The following CLEC11A variants were observed in gnomAD, a reference collection of about 807,000 sequenced individuals.
CLEC11A encodes the protein C-type lectin domain family 11 member A.
CLEC11A carries 35 observed loss-of-function variants against 33.9 expected under a neutral mutation model. The ratio of observed to expected loss-of-function variants is 1.03; its 90% CI spans 0.79 to 1.37. The LOEUF (loss-of-function observed/expected upper bound fraction) is 1.37, where lower values mean the gene tolerates loss of function less well. Among genes scored for constraint, CLEC11A ranks in the 40% most tolerant of loss-of-function variants. CLEC11A has a pLI of 0.00. For missense variants in CLEC11A, 519 were observed against 455.5 expected, an observed-to-expected ratio of 1.14 and a Z score of -1.27; for synonymous variants, 220 against 202.2, an observed-to-expected ratio of 1.09 and a Z score of -0.75.
Position 50,724,547 on chromosome 19 carries a change from C to G in CLEC11A, c.472C>G (p.Gln158Glu). The G allele has an allele frequency of 6.6e-7, 1 of 1,518,886 alleles. No homozygotes were observed. Among genetic ancestry groups the G allele is most frequent in the South Asian group, 1.2e-5 (1 of 82,472 alleles). The allele number at this position is 1,518,886 out of a possible 1,614,324, so 94.1% of individuals were successfully genotyped here. Residue 158 changes from glutamine (Q) to glutamate (E), a missense_variant, in exon 3 of 4, where the codon CAA becomes GAA. Gln to Glu is a conservative substitution (Grantham distance 29). Coordinates refer to ENST00000250340, the MANE Select transcript of CLEC11A (RefSeq NM_002975.3). This position sits in a 1 kb window ranked among gnomAD's most constrained non-coding sequence, Gnocchi z 4.1. ...NAAGDTRDAV[Q>E]ALQEAQGRAE... ...GGCAGGCGACACCCGCGATGCCGTG[C>G]AAGCCCTGCAGGAGGCGCAGGGTCG...
rs1248456268 is a variant in CLEC11A at position 50,724,432 on chromosome 19, C to G, written c.357C>G (p.Asp119Glu). 148 of 1,531,330 alleles carry G rather than the reference C, an allele frequency of 9.7e-5. No individual in the cohort carries two copies. The highest frequency in any genetic ancestry group is 1.3e-4 in the Non-Finnish European group (147 of 1,145,944). The allele number at this position is 1,531,330 out of a possible 1,614,324, so 94.9% of individuals were successfully genotyped here. The change falls in exon 3 of 4, where the codon GAC becomes GAG. Residue 119 changes from aspartate (D) to glutamate (E), a missense_variant. Physicochemically the swap from Asp to Glu is conservative, Grantham distance 45. Transcript: ENST00000250340. This position sits in a 1 kb window ranked among gnomAD's most constrained non-coding sequence, Gnocchi z 4.1. ...TYILGRLAGL[D>E]AGLHQLHVRL... Reference sequence around the variant, plus strand: ...CAGTGGGCCGCCTGGCCGGCCTGGACGCAGGCCTGCACCAGCTGCACGTCC... The same window carrying G: ...CAGTGGGCCGCCTGGCCGGCCTGGAGGCAGGCCTGCACCAGCTGCACGTCC...
rs1375356795 is a variant in CLEC11A, at chr19:50,724,017, A to T, written c.260A>T (p.Glu87Val). The T allele has an allele frequency of 1.2e-6, 2 of 1,611,912 alleles. No individual in the cohort carries two copies. The highest frequency in any genetic ancestry group is 1.7e-6 in the Non-Finnish European group (2 of 1,178,254). ...GAGGAGGACCAGGGGGAGGAAGAGGAGGAGGAAGCAACGCCAACCCCATCC... is the reference window on the plus strand; with the variant it reads ...GAGGAGGACCAGGGGGAGGAAGAGGTGGAGGAAGCAACGCCAACCCCATCC... ...EMEEDQGEEE[E>V]EEATPTPSSG... The change falls in exon 2 of 4, where the codon GAG (glutamate) becomes GTG (valine). Residue 87 changes from glutamate to valine, a missense_variant. Glu to Val is a moderately radical substitution (Grantham distance 121). Coordinates refer to ENST00000250340, the MANE Select transcript of CLEC11A (RefSeq NM_002975.3). The surrounding 1 kb of genome is among the most constrained non-coding windows in gnomAD (Gnocchi z 4.1).
chr19:50,724,933 T>G lies in CLEC11A; in HGVS notation c.527-89T>G. The G allele has an allele frequency of 6.7e-6, 8 of 1,202,598 alleles. No individual in the cohort carries two copies. Among genetic ancestry groups the G allele is most frequent in the East Asian group, 3.3e-5 (1 of 29,858 alleles). The allele number at this position is 1,202,598 out of a possible 1,614,324, so 74.5% of individuals were successfully genotyped here. On this transcript the variant is annotated intron_variant, in intron 3 of 3. Coordinates refer to ENST00000250340, the MANE Select transcript of CLEC11A (RefSeq NM_002975.3). The surrounding 1 kb of genome is among the most constrained non-coding windows in gnomAD (Gnocchi z 4.1). ...CTCCCCATGAGTTCCTGGCCCCGCC[T>G]CCCTCCACCCCCGGATGTTTTGTCC...
chr19:50,725,230 G>T lies in CLEC11A; in HGVS notation c.735G>T (p.Arg245=). The T allele has an allele frequency of 6.2e-7, 1 of 1,600,824 alleles. No homozygotes were observed. The highest frequency in any genetic ancestry group is 8.5e-7 in the Non-Finnish European group (1 of 1,174,720). The change falls in exon 4 of 4, where the codon CGG becomes CGT. Residue 245 remains arginine (R), a synonymous_variant. Coordinates refer to ENST00000250340, the MANE Select transcript of CLEC11A (RefSeq NM_002975.3). The part of the protein sequence containing the change: ...NWPVWLGVHD[R]RAEGLYLFEN... ...CCGTGTGGCTGGGCGTGCACGATCG[G>T]CGCGCCGAGGGCCTCTACCTCTTCG...
In CLEC11A at chr19:50,724,066, C is replaced by G; in HGVS notation, c.309C>G (p.Thr103=). The change falls in exon 2 of 4, where the codon ACC becomes ACG. Residue 103 remains threonine (T), a synonymous_variant. Transcript: ENST00000250340. This position sits in a 1 kb window ranked among gnomAD's most constrained non-coding sequence, Gnocchi z 4.1. ...TPSSGPSPSP[T]PEDIVTYILG... is the part of the protein sequence containing the mutation. ...CCTCCGGCCCCAGCCCCTCTCCCACCCCTGAGGACATCGTCACTTACATCC... is the reference window on the plus strand; with the variant it reads ...CCTCCGGCCCCAGCCCCTCTCCCACGCCTGAGGACATCGTCACTTACATCC... 1 of 1,613,596 alleles carries G rather than the reference C, an allele frequency of 6.2e-7. No individual in the cohort carries two copies. Among genetic ancestry groups the G allele is most frequent in the Admixed American group, 1.7e-5 (1 of 59,956 alleles).
Position 50,725,188 on chromosome 19 carries a change from C to T in CLEC11A, c.693C>T (p.Leu231=), listed in dbSNP as rs766385763. Residue 231 remains leucine (L), a synonymous_variant, in exon 4 of 4, where the codon CTC becomes CTT. Transcript: ENST00000250340. ...EALTRYLRAA[L]APYNWPVWLG... ...TCACTCGGTACCTGCGCGCGGCGCT[C>T]GCTCCCTACAACTGGCCCGTGTGGC... 2 of 1,585,304 alleles carry T rather than the reference C, an allele frequency of 1.3e-6. No homozygotes were observed. The highest frequency in any genetic ancestry group is 1.7e-6 in the Non-Finnish European group (2 of 1,167,084).
In CLEC11A at chr19:50,724,355, GC is replaced by G; in HGVS notation, c.335-49del. 3 of 1,420,318 alleles carry G rather than the reference GC, an allele frequency of 2.1e-6. No individual in the cohort carries two copies. The highest frequency in any genetic ancestry group is 2.8e-6 in the Non-Finnish European group (3 of 1,084,048). 88.0% of individuals were successfully genotyped at this position (1,420,318 alleles called of 1,614,324 possible). A position where few individuals can be genotyped will look rare whatever the true frequency, so the allele number is the denominator to read the frequency against. Reference sequence around the variant, plus strand: ...AGATCCCAGTTCTCCAGGTCCTCAGGCCCCCCGCTGCATCTCCAGGCTCCCC... The same window carrying G: ...AGATCCCAGTTCTCCAGGTCCTCAGGCCCCCGCTGCATCTCCAGGCTCCCC... On this transcript the variant is annotated intron_variant, in intron 2 of 3. Transcript: ENST00000250340. The surrounding 1 kb of genome is among the most constrained non-coding windows in gnomAD (Gnocchi z 4.1).
Position 50,724,643 on chromosome 19 carries a change from TG to T in CLEC11A, c.526+45del. 2.9e-6 allele frequency: 4 copies of T among 1,378,594 alleles called. No individual in the cohort carries two copies. The highest frequency in any genetic ancestry group is 3.7e-6 in the Non-Finnish European group (4 of 1,069,160). The allele number at this position is 1,378,594 out of a possible 1,614,324, so 85.4% of individuals were successfully genotyped here. On this transcript the variant is annotated intron_variant, in intron 3 of 3. Transcript: ENST00000250340. The surrounding 1 kb of genome is among the most constrained non-coding windows in gnomAD (Gnocchi z 4.1). ...CGGGGTGGAAAAAAATGAGACTATCTGGGCCAGGAATGGGACTGGTTGAGAA... is the reference window on the plus strand; with the variant it reads ...CGGGGTGGAAAAAAATGAGACTATCTGGCCAGGAATGGGACTGGTTGAGAA...
At position 50,723,493 on chromosome 19, in the gene CLEC11A, A is replaced by G; in HGVS notation, c.-33A>G. Reference sequence around the variant, plus strand: ...CCCCTCCCACCCCAGACATCCAGACATCTGGAACTTTGGGTGCCAAGAGTC... The same window carrying G: ...CCCCTCCCACCCCAGACATCCAGACGTCTGGAACTTTGGGTGCCAAGAGTC... On this transcript the variant is annotated 5_prime_UTR_variant, in exon 1 of 4. Transcript: ENST00000250340. This position sits in a 1 kb window ranked among gnomAD's most constrained non-coding sequence, Gnocchi z 4.1. The G allele has an allele frequency of 6.2e-7, 1 of 1,610,616 alleles. No individual in the cohort carries two copies. The highest frequency in any genetic ancestry group is 1.3e-5 in the African/African-American group (1 of 74,898).
Position 50,723,745 on chromosome 19 carries a change from A to C in CLEC11A, c.147+73A>C. On this transcript the variant is annotated intron_variant, in intron 1 of 3. Coordinates refer to ENST00000250340, the MANE Select transcript of CLEC11A (RefSeq NM_002975.3). This position sits in a 1 kb window ranked among gnomAD's most constrained non-coding sequence, Gnocchi z 4.1. Reference sequence around the variant, plus strand: ...GGGAGGGGGTATTGCAAGGTTAGGGAAATGGACAATGAGGAGCGATTGGGA... The same window carrying C: ...GGGAGGGGGTATTGCAAGGTTAGGGCAATGGACAATGAGGAGCGATTGGGA... 1 of 1,531,488 alleles carries C rather than the reference A, an allele frequency of 6.5e-7. No homozygotes were observed. The highest frequency in any genetic ancestry group is 8.8e-7 in the Non-Finnish European group (1 of 1,141,966). The allele number at this position is 1,531,488 out of a possible 1,614,324, so 94.9% of individuals were successfully genotyped here.
rs761771291 is a variant in CLEC11A, at chr19:50,725,124, G to A, written c.629G>A (p.Ser210Asn). Residue 210 changes from serine (S) to asparagine (N), a missense_variant, in exon 4 of 4, where the codon AGC becomes AAC. Physicochemically the swap from Ser to Asn is conservative, Grantham distance 46. Coordinates refer to ENST00000250340, the MANE Select transcript of CLEC11A (RefSeq NM_002975.3). ...GCGCGGTGCACGGCGCGGGGCGGGA[G>A]CCTGGCGCAGCCGGCAGACCGCCAG... The part of the protein sequence containing the change: ...AQARCTARGG[S>N]LAQPADRQQM... The A allele has an allele frequency of 1.7e-5, 27 of 1,543,398 alleles. No individual in the cohort carries two copies. Among genetic ancestry groups the A allele is most frequent in the Admixed American group, 1.4e-4 (7 of 50,734 alleles).
chr19:50,725,370 C>G lies in CLEC11A; in HGVS notation c.875C>G (p.Thr292Arg). The G allele has an allele frequency of 6.2e-7, 1 of 1,612,116 alleles. No homozygotes were observed. Among genetic ancestry groups the G allele is most frequent in the Non-Finnish European group, 8.5e-7 (1 of 1,179,490 alleles). ...PLSPDQPNGG[T>R]LENCVAQASD... ...AGCCCGGACCAGCCCAACGGTGGCA[C>G]GCTCGAGAACTGCGTGGCGCAGGCC... Residue 292 changes from threonine to arginine, a missense_variant, in exon 4 of 4, where the codon ACG becomes AGG. Physicochemically the swap from Thr to Arg is moderately conservative, Grantham distance 71. Transcript: ENST00000250340.
At position 50,725,334 on chromosome 19, in the gene CLEC11A, C is replaced by T; in HGVS notation, c.839C>T (p.Pro280Leu). 6.2e-7 allele frequency: 1 copy of T among 1,612,120 alleles called. No homozygotes were observed. The highest frequency in any genetic ancestry group is 1.3e-5 in the African/African-American group (1 of 75,048). ...PELGAQPSAS[P>L]HPLSPDQPNG... ...CTCGGCGCCCAGCCCAGCGCCTCGC[C>T]GCATCCGCTCAGCCCGGACCAGCCC... Residue 280 changes from proline to leucine, a missense_variant, in exon 4 of 4, where the codon CCG becomes CTG. By Grantham distance (98) the Pro-to-Leu change is moderately conservative (BLOSUM62 -3). Transcript: ENST00000250340.
chr19:50,725,320 G>T lies in CLEC11A; in HGVS notation c.825G>T (p.Gln275His). The part of the protein sequence containing the change: ...HRSPRPELGA[Q>H]PSASPHPLSP... ...CACCCCGCCCCGAGCTCGGCGCCCA[G>T]CCCAGCGCCTCGCCGCATCCGCTCA... Residue 275 changes from glutamine to histidine, a missense_variant, in exon 4 of 4, where the codon CAG becomes CAT. By Grantham distance (24) the Gln-to-His change is conservative. Coordinates refer to ENST00000250340, the MANE Select transcript of CLEC11A (RefSeq NM_002975.3). The T allele has an allele frequency of 6.2e-7, 1 of 1,611,744 alleles. No homozygotes were observed.
At position 50,724,355 on chromosome 19, in the gene CLEC11A, G is replaced by GC. The variant is rs1410078227; in HGVS notation, c.335-49dup. 1.4e-6 allele frequency: 2 copies of GC among 1,420,320 alleles called. No homozygotes were observed. The highest frequency in any genetic ancestry group is 2.6e-5 in the East Asian group (1 of 38,682). 88.0% of individuals were successfully genotyped at this position (1,420,320 alleles called of 1,614,324 possible). On this transcript the variant is annotated intron_variant, in intron 2 of 3. Coordinates refer to ENST00000250340, the MANE Select transcript of CLEC11A (RefSeq NM_002975.3). The surrounding 1 kb of genome is among the most constrained non-coding windows in gnomAD (Gnocchi z 4.1). ...AGATCCCAGTTCTCCAGGTCCTCAG[G>GC]CCCCCCGCTGCATCTCCAGGCTCCC...
chr19:50,725,149 G>A lies in CLEC11A; in HGVS notation c.654G>A (p.Gln218=). The A allele has an allele frequency of 6.4e-7, 1 of 1,559,292 alleles. No individual in the cohort carries two copies. Among genetic ancestry groups the A allele is most frequent in the Non-Finnish European group, 8.7e-7 (1 of 1,153,790 alleles). Residue 218 remains glutamine, a synonymous_variant, in exon 4 of 4, where the codon CAG becomes CAA. Coordinates refer to ENST00000250340, the MANE Select transcript of CLEC11A (RefSeq NM_002975.3). ...GCCTGGCGCAGCCGGCAGACCGCCA[G>A]CAGATGGAGGCGCTCACTCGGTACC... ...GGSLAQPADR[Q]QMEALTRYLR...
In CLEC11A at chr19:50,725,048, C is replaced by T; in HGVS notation, c.553C>T (p.His185Tyr). The change falls in exon 4 of 4, where the codon CAC becomes TAC. Residue 185 changes from histidine to tyrosine, a missense_variant. Coordinates refer to ENST00000250340, the MANE Select transcript of CLEC11A (RefSeq NM_002975.3). Reference protein sequence around the residue: ...EGCLKGLRLGHKCFLLSRDFE... With the variant: ...EGCLKGLRLGYKCFLLSRDFE... ...CTGCCTGAAGGGGCTGCGCCTGGGC[C>T]ACAAGTGCTTCCTGCTCTCGCGCGA... 1 of 1,511,044 alleles carries T rather than the reference C, an allele frequency of 6.6e-7. No homozygotes were observed. The highest frequency in any genetic ancestry group is 1.3e-5 in the South Asian group (1 of 77,778). The allele number at this position is 1,511,044 out of a possible 1,614,324, so 93.6% of individuals were successfully genotyped here. A position where few individuals can be genotyped will look rare whatever the true frequency, so the allele number is the denominator to read the frequency against.
chr19:50,725,449 C>A lies in CLEC11A; in HGVS notation c.954C>A (p.Val318=). The A allele has an allele frequency of 6.2e-7, 1 of 1,601,126 alleles. No individual in the cohort carries two copies. The part of the protein sequence containing the change: ...DHDCQRRLYY[V]CEFPF ...ACTGCCAGCGGCGTCTCTACTACGT[C>A]TGCGAGTTCCCCTTCTAGCGGGGCC... Residue 318 remains valine (V), a synonymous_variant, in exon 4 of 4, where the codon GTC becomes GTA. Transcript: ENST00000250340.
At position 50,724,623 on chromosome 19, in the gene CLEC11A, T is replaced by C; in HGVS notation, c.526+22T>C. On this transcript the variant is annotated intron_variant, in intron 3 of 3. Transcript: ENST00000250340. The surrounding 1 kb of genome is among the most constrained non-coding windows in gnomAD (Gnocchi z 4.1). ...GAGGGTGAGTCCGCGGCGCGCGGGG[T>C]GGAAAAAAATGAGACTATCTGGGCC... 1 of 1,379,034 alleles carries C rather than the reference T, an allele frequency of 7.3e-7. No individual in the cohort carries two copies. Among genetic ancestry groups the C allele is most frequent in the Non-Finnish European group, 9.3e-7 (1 of 1,070,304 alleles). 85.4% of individuals were successfully genotyped at this position (1,379,034 alleles called of 1,614,324 possible).
Sources: allele counts gnomAD v4.1 joint callset, GRCh38; gene constraint gnomAD v4.1.1; non-coding constraint Gnocchi (gnomAD v3.1); transcripts MANE v1.5; gene names NCBI Gene and HGNC (gene_info 2026-07-23, HGNC 2026-07-21).